The following LRP1B variants were observed in gnomAD, a reference collection of about 807,000 sequenced individuals.
The protein encoded by LRP1B is low-density lipoprotein receptor-related protein 1B.
A neutral mutation model predicts 556.6 loss-of-function variants in LRP1B; 217 were observed. That is an observed-to-expected ratio of 0.39 (90% confidence interval 0.35 to 0.44). The LOEUF (loss-of-function observed/expected upper bound fraction) is 0.44, where lower values mean the gene tolerates loss of function less well. Among genes scored for constraint, LRP1B ranks in the 20% least tolerant of loss-of-function variants. The probability of loss-of-function intolerance (pLI) is 1.00; values close to 1 mark genes in which losing one functional copy is unlikely to be tolerated. For synonymous variants in LRP1B, 2,047 were observed against 1,865.8 expected (o/e 1.10, Z -2.50); for missense variants, 5,053 against 5,620.8 (o/e 0.90, Z 3.23).
At chr2:141,805,138 T>C (rs997827373) in intron 2 of LRP1B, among the ~76,000 whole-genome samples, 8 of 152,132 alleles carry the variant, frequency 5.3e-5, no homozygotes, top group African/African-American at 1.7e-4. Flanking sequence ...ATTTGCTTTC[T>C]GTGCAATTTA....
At chr2:140,961,771 G>A (rs1346640) in intron 18 of LRP1B, among the ~76,000 whole-genome samples, 116,932 of 151,946 alleles carry the variant, frequency 0.77, 45,396 homozygotes, top group Admixed American at 0.83. Flanking sequence ...TTAATTTAAA[G>A]CTTTTAAAAC....
chr2:141,683,042 C>A (rs1442950695), intron 2 of LRP1B, among the ~76,000 whole-genome samples: 1 of 152,066 alleles, frequency 6.6e-6, no homozygotes, highest in Non-Finnish European at 1.5e-5. Flanking sequence ...GCTCTAGAAG[C>A]TGAAAAGGAC....
At position 140,350,803 on chromosome 2, in the gene LRP1B, G is replaced by A. The variant is rs2105115416; in HGVS notation, c.11886C>T (p.Gly3962=). Residue 3962 remains glycine, a synonymous_variant, in exon 77 of 91, where the codon GGC becomes GGT. Coordinates refer to ENST00000389484, the MANE Select transcript of LRP1B (RefSeq NM_018557.3). ...TACAATGGTATTTACTTACAATCAAGCCACTGTTTGCTTGCCTTTTTTCTC... is the reference window on the plus strand; with the variant it reads ...TACAATGGTATTTACTTACAATCAAACCACTGTTTGCTTGCCTTTTTTCTC... ...HGREKRQANS[G]LICPEFKRPR... The A allele has an allele frequency of 6.2e-7, 1 of 1,609,876 alleles. No individual in the cohort carries two copies. Among genetic ancestry groups the A allele is most frequent in the East Asian group, 2.3e-5 (1 of 44,360 alleles).
chr2:141,121,598 G>C (rs557329239), intron 7 of LRP1B, among the ~76,000 whole-genome samples: 1 of 152,018 alleles, frequency 6.6e-6, no homozygotes, highest in Non-Finnish European at 1.5e-5. Flanking sequence ...GGAAATAAAA[G>C]AGGATACAAA....
intron 3 of LRP1B, among the ~76,000 whole-genome samples, chr2:141,258,762 T>C (rs1328147074): frequency 2.0e-5 from 3 of 152,128 alleles, no homozygotes; most frequent in African/African-American, 7.2e-5. Context: ...TGAAAGTGTG[T>C]AGAACTTGCC....
At chr2:141,302,729 G>C (rs934533296) in intron 3 of LRP1B, among the ~76,000 whole-genome samples, 4 of 152,130 alleles carry the variant, frequency 2.6e-5, no homozygotes, top group East Asian at 3.9e-4. Context: ...AATAATACAA[G>C]TGAAATCTGT....
chr2:140,803,260 GTTTTTTTTTTTTTTTTT>G (rs11352164), intron 32 of LRP1B, among the ~76,000 whole-genome samples: 1 of 102,238 alleles, frequency 9.8e-6, no homozygotes, highest in African/African-American at 5.1e-5. Flanking sequence ...CCTATTGAAA[GTTTTTTTTTTTTTTTTT>G]TTTTTTTTTT....
In LRP1B at chr2:141,493,208, G is replaced by T. The variant is rs1047207637; in HGVS notation, c.206-12675C>A. ...TATTATTTGAATTTAGATCTCCTCT[G>T]TCTTCAAAACCTGGTTTCTTTATTA... On this transcript the variant is annotated intron_variant, in intron 2 of 90. Coordinates refer to ENST00000389484, the MANE Select transcript of LRP1B (RefSeq NM_018557.3). Among the ~76,000 whole-genome samples the T allele has an allele frequency of 3.3e-5, 5 of 152,122 alleles. No homozygotes were observed. In the East Asian group the frequency reaches 9.6e-4, roughly 29 times the overall value.
At chr2:141,411,540 C>T (rs539988274) in intron 3 of LRP1B, among the ~76,000 whole-genome samples, 1 of 152,110 alleles carries the variant, frequency 6.6e-6, no homozygotes, top group South Asian at 2.1e-4. Flanking sequence ...GATATGTTTG[C>T]CAGTGTCAGA....
intron 6 of LRP1B, among the ~76,000 whole-genome samples, chr2:141,225,812 T>C (rs1015007322): frequency 6.6e-6 from 1 of 152,134 alleles, no homozygotes; most frequent in Non-Finnish European, 1.5e-5. Flanking sequence ...CAATGTTAAA[T>C]GTAGGACTTT....
intron 3 of LRP1B, among the ~76,000 whole-genome samples, chr2:141,464,101 T>C (rs1368837237): frequency 1.3e-5 from 2 of 152,084 alleles, no homozygotes; most frequent in East Asian, 1.9e-4. Flanking sequence ...TTCCTAACAC[T>C]GACTGGTTAG....
chr2:141,389,068 T>A (rs1689951494), intron 3 of LRP1B, among the ~76,000 whole-genome samples: 1 of 152,174 alleles, frequency 6.6e-6, no homozygotes, highest in Admixed American at 6.5e-5. Flanking sequence ...CTACTCACAC[T>A]AGATTCAGTG....
At chr2:140,392,031 G>C (rs1178670059) in intron 66 of LRP1B, among the ~76,000 whole-genome samples, 1 of 152,080 alleles carries the variant, frequency 6.6e-6, no homozygotes, top group African/African-American at 2.4e-5. Flanking sequence ...TGATTGAACT[G>C]CTCTGAGATT....
chr2:141,972,365 A>C (rs929633006), intron 1 of LRP1B, among the ~76,000 whole-genome samples: 1 of 151,626 alleles, frequency 6.6e-6, no homozygotes, highest in South Asian at 2.1e-4. Flanking sequence ...AATTCAAATT[A>C]GCAGAAACAT....
chr2:141,897,503 G>A (rs776131198), intron 1 of LRP1B, among the ~76,000 whole-genome samples: 11 of 152,068 alleles, frequency 7.2e-5, no homozygotes, highest in Non-Finnish European at 1.2e-4. Context: ...CTTAATATGA[G>A]TCTAAATGGA....
Position 141,889,789 on chromosome 2 carries a change from G to T in LRP1B, c.83-79388C>A, listed in dbSNP as rs142084439. 3.3e-3 allele frequency among the ~76,000 whole-genome samples: 499 copies of T among 152,204 alleles called. 2 individuals are homozygous for T. The highest frequency in any genetic ancestry group is 0.011 in the African/African-American group (475 of 41,528). On this transcript the variant is annotated intron_variant, in intron 1 of 90. Coordinates refer to ENST00000389484, the MANE Select transcript of LRP1B (RefSeq NM_018557.3). Reference sequence around the variant, plus strand: ...CAATCCCTAAATAATAATGGAAGCAGGACACTGTGCTTGTCCTTGAAAAAG... The same window carrying T: ...CAATCCCTAAATAATAATGGAAGCATGACACTGTGCTTGTCCTTGAAAAAG...
intron 63 of LRP1B, among the ~76,000 whole-genome samples, chr2:140,447,510 G>A (rs1330872509): frequency 6.6e-6 from 1 of 152,052 alleles, no homozygotes; most frequent in Non-Finnish European, 1.5e-5. Flanking sequence ...TAAGAGTTAG[G>A]TAGGGCCTTG....
chr2:140,608,199 G>T (rs527841615), intron 41 of LRP1B, among the ~76,000 whole-genome samples: 53 of 152,176 alleles, frequency 3.5e-4, no homozygotes, highest in African/African-American at 1.3e-3. Flanking sequence ...CTACTGAGTT[G>T]GGTAAGCTGG....
chr2:142,096,620 A>G (rs1167721666), intron 1 of LRP1B, among the ~76,000 whole-genome samples: 2 of 151,666 alleles, frequency 1.3e-5, no homozygotes, highest in African/African-American at 2.4e-5. Flanking sequence ...CTAAATGTTT[A>G]TATTATCTCA....
Sources: allele counts gnomAD v4.1 joint callset (sites outside exome capture counted in the v4.1 genomes callset), GRCh38; gene constraint gnomAD v4.1.1; transcripts MANE v1.5; gene names NCBI Gene and HGNC (gene_info 2026-07-23, HGNC 2026-07-21).